The following CDIN1 variants were observed in gnomAD, a reference collection of about 807,000 sequenced individuals.
CDIN1 encodes the protein CDAN1 interacting nuclease 1.
Under a neutral mutation model 45.3 loss-of-function variants are expected in CDIN1, and 33 were observed. The ratio of observed to expected loss-of-function variants is 0.73; its 90% CI spans 0.55 to 0.97. The LOEUF (loss-of-function observed/expected upper bound fraction) is 0.97. Among genes scored for constraint, CDIN1 ranks in the 50% least tolerant of loss-of-function variants. CDIN1 has a pLI of 0.00. For missense variants in CDIN1, 303 were observed against 339.4 expected (o/e 0.89, Z 0.84); for synonymous variants, 118 against 124.4 (o/e 0.95, Z 0.34).
intron 5 of CDIN1, among the ~76,000 whole-genome samples, chr15:36,685,719 A>C (rs1307612938): frequency 6.6e-6 from 1 of 152,200 alleles, no homozygotes; most frequent in African/African-American, 2.4e-5. Flanking sequence ...ACAAGAAAAA[A>C]ACAAACAACC....
At chr15:36,755,793 C>T (rs991418550) in intron 10 of CDIN1, among the ~76,000 whole-genome samples, 1 of 152,120 alleles carries the variant, frequency 6.6e-6, no homozygotes, top group Non-Finnish European at 1.5e-5. Flanking sequence ...TTGCGGTCAG[C>T]AAACAGACAG....
chr15:36,633,279 T>C (rs1237203494), intron 1 of CDIN1, among the ~76,000 whole-genome samples: 3 of 152,200 alleles, frequency 2.0e-5, no homozygotes, highest in Non-Finnish European at 4.4e-5. Flanking sequence ...CTTTGATTTT[T>C]AGTTTTTTGA....
intron 5 of CDIN1, among the ~76,000 whole-genome samples, chr15:36,686,064 A>G (rs1349209740): frequency 6.6e-6 from 1 of 152,014 alleles, no homozygotes; most frequent in African/African-American, 2.4e-5. Flanking sequence ...TACTGGGTAT[A>G]TACCCAAATG....
chr15:36,621,103 A>T (rs149334189), intron 1 of CDIN1, among the ~76,000 whole-genome samples: 2 of 152,312 alleles, frequency 1.3e-5, no homozygotes, highest in African/African-American at 4.8e-5. Flanking sequence ...TTAGAGTTCT[A>T]TGTAAGGTGG....
chr15:36,608,923 A>G (rs2038508823), intron 1 of CDIN1, among the ~76,000 whole-genome samples: 1 of 152,116 alleles, frequency 6.6e-6, no homozygotes. Flanking sequence ...ATACACAAAT[A>G]TATATATTTA....
At chr15:36,615,977 A>C (rs1374557116) in intron 1 of CDIN1, among the ~76,000 whole-genome samples, 1 of 152,218 alleles carries the variant, frequency 6.6e-6, no homozygotes, top group African/African-American at 2.4e-5. Flanking sequence ...CAGTGTTTCA[A>C]TTCAGTCTAA....
chr15:36,727,931 T>C (rs1441344018), intron 10 of CDIN1, among the ~76,000 whole-genome samples: 1 of 152,184 alleles, frequency 6.6e-6, no homozygotes, highest in Non-Finnish European at 1.5e-5. Context: ...GGAATACACT[T>C]GTTGGTCTAA....
chr15:36,680,801 A>T (rs1302587471), intron 5 of CDIN1, among the ~76,000 whole-genome samples: 1 of 152,188 alleles, frequency 6.6e-6, no homozygotes, highest in African/African-American at 2.4e-5. Flanking sequence ...ACAAATAGAA[A>T]TTAGAAATAA....
intron 1 of CDIN1, among the ~76,000 whole-genome samples, chr15:36,632,247 C>T (rs1386500012): frequency 6.6e-6 from 1 of 152,196 alleles, no homozygotes; most frequent in African/African-American, 2.4e-5. Flanking sequence ...TCTTTGTAGC[C>T]TCAAAACTAC....
At chr15:36,794,724 T>C (rs1252820004) in intron 10 of CDIN1, among the ~76,000 whole-genome samples, 7 of 152,214 alleles carry the variant, frequency 4.6e-5, no homozygotes, top group African/African-American at 1.7e-4. Flanking sequence ...TTGGGTTGCT[T>C]TGTTCTTTCT....
chr15:36,747,547 GTCT>G (rs1270951017), intron 10 of CDIN1, among the ~76,000 whole-genome samples: 2 of 152,098 alleles, frequency 1.3e-5, no homozygotes, highest in Non-Finnish European at 2.9e-5. Context: ...CACAGACTTA[GTCT>G]TCTTAGAGCT....
rs146172836 is a variant in CDIN1 at position 36,754,623 on chromosome 15, A to G, written c.716+44662A>G. ...GGAATATATAACTTCAGAGTTATCA[A>G]ATATATTTATCCCCCTTACATGTCA... On this transcript the variant is annotated intron_variant, in intron 10 of 10. Transcript: ENST00000566621. 3.7e-3 allele frequency among the ~76,000 whole-genome samples: 557 copies of G among 151,980 alleles called. 1 individual carries two copies. Among genetic ancestry groups the G allele is most frequent in the African/African-American group, 0.013 (521 of 41,486 alleles).
At chr15:36,703,544 G>A (rs575614943) in intron 8 of CDIN1, among the ~76,000 whole-genome samples, 35 of 151,426 alleles carry the variant, frequency 2.3e-4, no homozygotes, top group South Asian at 8.4e-4. Flanking sequence ...TAGCAATGCC[G>A]GACAGGATAA....
rs146653307 is a variant in CDIN1, at chr15:36,623,776, A to G, written c.102-20502A>G. Among the ~76,000 whole-genome samples, 435 of 152,356 alleles carry G rather than the reference A, an allele frequency of 2.9e-3. 3 individuals carry two copies. Among genetic ancestry groups the G allele is most frequent in the African/African-American group, 9.9e-3 (412 of 41,580 alleles). On this transcript the variant is annotated intron_variant, in intron 1 of 10. Transcript: ENST00000566621. ...TTTTTGTTGTAACTCAATTGAGTAG[A>G]TTAAGTTGTTTGCAACTAAGCATCT...
intron 1 of CDIN1, among the ~76,000 whole-genome samples, chr15:36,598,969 C>A (rs927117219): frequency 6.6e-6 from 1 of 152,166 alleles, no homozygotes; most frequent in Admixed American, 6.5e-5. Context: ...GTAATTTGAT[C>A]TTCCAGCTGT....
At chr15:36,765,042 C>A (rs374017428) in intron 10 of CDIN1, among the ~76,000 whole-genome samples, 3 of 143,656 alleles carry the variant, frequency 2.1e-5, no homozygotes, top group Non-Finnish European at 3.0e-5. Flanking sequence ...ATTTTCTTTT[C>A]TTTTATTTTT....
intron 10 of CDIN1, among the ~76,000 whole-genome samples, chr15:36,751,268 A>C (rs2053463756): frequency 1.2e-5 from 1 of 80,350 alleles, no homozygotes; most frequent in Admixed American, 1.3e-4. Flanking sequence ...TATGGCACTA[A>C]TAGAGTTAAA....
At chr15:36,693,655 A>C (rs2042325759) in intron 7 of CDIN1, among the ~76,000 whole-genome samples, 1 of 152,210 alleles carries the variant, frequency 6.6e-6, no homozygotes, top group South Asian at 2.1e-4. Flanking sequence ...CTAAAGTATG[A>C]AGTCAACTGC....
intron 1 of CDIN1, among the ~76,000 whole-genome samples, chr15:36,605,215 G>T (rs1422146933): frequency 1.3e-5 from 2 of 152,024 alleles, no homozygotes; most frequent in Non-Finnish European, 2.9e-5. Context: ...CTTTTGTAAA[G>T]GATTAACAGA....
Sources: gnomAD v4.1 joint callset for allele counts (sites outside exome capture counted in the v4.1 genomes callset) on GRCh38, gnomAD v4.1.1 for gene constraint, MANE v1.5 for transcripts, NCBI Gene and HGNC (gene_info 2026-07-23, HGNC 2026-07-21) for gene names.